Variants in ERICH1 observed in about 807,000 individuals in gnomAD.
ERICH1 encodes glutamate rich 1.
A neutral mutation model predicts 39.6 loss-of-function variants in ERICH1; 56 were observed. The ratio of observed to expected loss-of-function variants is 1.41; its 90% CI spans 1.14 to 1.77. The LOEUF (loss-of-function observed/expected upper bound fraction) is 1.77, where lower values mean the gene tolerates loss of function less well. ERICH1 is among the 40% of genes most tolerant of loss of function. The pLI, the probability that ERICH1 is intolerant of heterozygous loss-of-function variation, is 0.00. For missense variants in ERICH1, 826 were observed against 575.4 expected, an observed-to-expected ratio of 1.44 and a Z score of -4.45; for synonymous variants, 313 against 223.6, an observed-to-expected ratio of 1.40 and a Z score of -3.57.
At chr8:619,086 G>A (rs1269897782) in intron 3 of ERICH1, among the ~76,000 whole-genome samples, 1 of 152,040 alleles carries the variant, frequency 6.6e-6, no homozygotes, top group Non-Finnish European at 1.5e-5. Flanking sequence ...CAAGCCCATC[G>A]AGAAAATGGA....
intron 3 of ERICH1, among the ~76,000 whole-genome samples, chr8:650,036 G>A (rs1333723797): frequency 3.3e-5 from 5 of 152,236 alleles, no homozygotes; most frequent in African/African-American, 7.2e-5. Context: ...TCCCTGCGCT[G>A]AGCGCGACCT....
At chr8:640,828 A>G (rs992121092) in intron 3 of ERICH1, 2 of 152,250 alleles carry the variant, frequency 1.3e-5, no homozygotes, top group African/African-American at 2.4e-5. Context: ...ACAAGAGCCA[A>G]TAAAAGCTGG....
intron 3 of ERICH1, among the ~76,000 whole-genome samples, chr8:642,161 C>A (rs1157298639): frequency 6.6e-6 from 1 of 152,172 alleles, no homozygotes; most frequent in Non-Finnish European, 1.5e-5. Flanking sequence ...TGCTTGGACA[C>A]TGGCCCACCA....
rs1815793183 is a variant in ERICH1, at chr8:715,752, C to A, written c.169+109G>T. ...CCACCTGCTGCAGGCCCTCTGCAGA[C>A]CTGCAGACAGATGCCCGAGGCCCAA... On this transcript the variant is annotated intron_variant, in intron 2 of 5. Transcript: ENST00000262109. 6.2e-6 allele frequency: 9 copies of A among 1,448,656 alleles called. No individual in the cohort carries two copies. The South Asian group carries it at 1.2e-4, about 20-fold the overall frequency. The allele number at this position is 1,448,656 out of a possible 1,614,324, so 89.7% of individuals were successfully genotyped here.
intron 4 of ERICH1, among the ~76,000 whole-genome samples, chr8:673,041 T>C (rs1803793926): frequency 6.6e-6 from 1 of 152,252 alleles, no homozygotes; most frequent in Non-Finnish European, 1.5e-5. Flanking sequence ...CCACACTGCT[T>C]CTCTGGATAC....
At chr8:720,573 C>T (rs1301021925) in intron 1 of ERICH1, among the ~76,000 whole-genome samples, 2 of 152,106 alleles carry the variant, frequency 1.3e-5, no homozygotes, top group Admixed American at 6.5e-5. Context: ...GGGAAGAAGG[C>T]CGTAGGGATT....
rs868116660 is a variant in ERICH1 at position 673,693 on chromosome 8, A to G, written c.659T>C (p.Leu220Pro). The G allele has an allele frequency of 2.5e-6, 4 of 1,611,468 alleles. No individual in the cohort carries two copies. The highest frequency in any genetic ancestry group is 1.1e-5 in the South Asian group (1 of 90,922). Residue 220 changes from leucine (L) to proline (P), a missense_variant, in exon 4 of 6, where the codon CTG becomes CCG. By Grantham distance (98) the Leu-to-Pro change is moderately conservative. Coordinates refer to ENST00000262109, the MANE Select transcript of ERICH1 (RefSeq NM_207332.3). ...GVDTSEEDPT[L>P]AGEEDVKDTR... is the part of the protein sequence containing the mutation. ...ATCTTTAACGTCTTCCTCCCCGGCC[A>G]GTGTCGGGTCTTCCTCGCTGGTGTC...
chr8:680,963 A>G (rs1336616131), intron 3 of ERICH1, among the ~76,000 whole-genome samples: 2 of 152,228 alleles, frequency 1.3e-5, no homozygotes, highest in Non-Finnish European at 2.9e-5. Flanking sequence ...GGTGACGGAC[A>G]CATTCATTAT....
chr8:658,019 G>C (rs545088189), intron 3 of ERICH1, among the ~76,000 whole-genome samples: 284 of 152,304 alleles, frequency 1.9e-3, no homozygotes, highest in Non-Finnish European at 2.9e-3. Context: ...GGCCCCACCC[G>C]ATCCCCACGG....
chr8:679,341 G>T (rs1448340222), intron 3 of ERICH1, among the ~76,000 whole-genome samples: 1 of 143,944 alleles, frequency 6.9e-6, no homozygotes, highest in Non-Finnish European at 1.5e-5. Context: ...ACCCCTCACA[G>T]CTCCCACCCC....
intron 2 of ERICH1, among the ~76,000 whole-genome samples, chr8:695,499 TCCTTCCTCCCC>T (rs1226943095): frequency 0.054 from 7,469 of 139,360 alleles, 1,384 homozygotes; most frequent in Middle Eastern, 0.11. Context: ...CCCTCTCCTC[TCCTTCCTCCCC>T]ATCAGCCTGC....
chr8:686,906 G>A (rs758983415), intron 3 of ERICH1, among the ~76,000 whole-genome samples: 3 of 151,870 alleles, frequency 2.0e-5, no homozygotes, highest in Non-Finnish European at 4.4e-5. Flanking sequence ...CTCTGACTCT[G>A]TCAGGCCCTT....
intron 2 of ERICH1, among the ~76,000 whole-genome samples, chr8:710,513 G>A (rs949399962): frequency 1.3e-5 from 2 of 151,172 alleles, no homozygotes; most frequent in Admixed American, 6.6e-5. Context: ...CGGTTTCACC[G>A]TCCTGCAAGG....
chr8:674,130 G>T, intron 3 of ERICH1, 83 bp from the exon 4 acceptor site: 1 of 1,428,282 alleles, frequency 7.0e-7, no homozygotes, highest in South Asian at 1.5e-5. Context: ...TTTCCATCAG[G>T]ATCTTGTAGT....
intron 4 of ERICH1, chr8:672,002 C>G (rs566297180): frequency 1.3e-5 from 2 of 155,466 alleles, no homozygotes; most frequent in African/African-American, 2.4e-5. Flanking sequence ...TCCCCAGACC[C>G]TCACCCAACG....
intron 3 of ERICH1, among the ~76,000 whole-genome samples, chr8:654,219 C>T (rs548817011): frequency 3.3e-5 from 5 of 152,278 alleles, no homozygotes; most frequent in African/African-American, 7.2e-5. Flanking sequence ...ATGCAAAATA[C>T]GCCAAAGGCT....
At chr8:630,639 C>T (rs1380278988) in intron 3 of ERICH1, among the ~76,000 whole-genome samples, 4 of 132,100 alleles carry the variant, frequency 3.0e-5, no homozygotes, top group Non-Finnish European at 6.4e-5. Flanking sequence ...TGACACACAC[C>T]CTCCTGTGAC....
chr8:618,488 C>T (rs1018534473), intron 3 of ERICH1, among the ~76,000 whole-genome samples: 1 of 152,230 alleles, frequency 6.6e-6, no homozygotes, highest in Non-Finnish European at 1.5e-5. Context: ...TTTGTCCTCA[C>T]TGCCCGGAGC....
At chr8:673,159 G>T in intron 4 of ERICH1, 130 bp downstream of exon 4, 2 of 1,120,190 alleles carry the variant, frequency 1.8e-6, no homozygotes, top group South Asian at 1.7e-5. Context: ...TATATTAGTT[G>T]CCTTACAACT....
Sources: gnomAD v4.1 joint callset for allele counts (sites outside exome capture counted in the v4.1 genomes callset) on GRCh38, gnomAD v4.1.1 for gene constraint, MANE v1.5 for transcripts, NCBI Gene and HGNC (gene_info 2026-07-23, HGNC 2026-07-21) for gene names.